INPP4A: variants seen among roughly 807,000 people sequenced by gnomAD.
The protein encoded by INPP4A is inositol polyphosphate-4-phosphatase, type I, 107kD.
In INPP4A, 33 loss-of-function variants were observed where a neutral mutation model predicts 119.8. The ratio of observed to expected loss-of-function variants is 0.28; its 90% CI spans 0.21 to 0.37. The LOEUF is 0.37. Ranked by LOEUF, INPP4A falls within the 10% of genes least tolerant of loss-of-function variation. INPP4A has a pLI of 1.00. For missense variants in INPP4A, 956 were observed against 1,289.9 expected (o/e 0.74, Z 3.97); for synonymous variants, 496 against 500.7 (o/e 0.99, Z 0.12).
At chr2:98,451,616 C>T (rs1695239340) in intron 1 of INPP4A, among the ~76,000 whole-genome samples, 1 of 152,150 alleles carries the variant, frequency 6.6e-6, no homozygotes, top group African/African-American at 2.4e-5. Context: ...CTGCCCCTTT[C>T]CTGCCCCTCC....
intron 4 of INPP4A, among the ~76,000 whole-genome samples, chr2:98,533,089 A>G (rs549739628): frequency 3.3e-5 from 5 of 152,286 alleles, no homozygotes; most frequent in East Asian, 3.9e-4. Flanking sequence ...TTGGACCTAT[A>G]TGAGATTTCT....
chr2:98,453,848 T>C (rs1036985349), intron 1 of INPP4A, among the ~76,000 whole-genome samples: 9 of 152,190 alleles, frequency 5.9e-5, no homozygotes, highest in Admixed American at 2.0e-4. Flanking sequence ...ACAGCCACAC[T>C]GACAGACAGG....
chr2:98,495,543 T>A (rs1308700710), intron 1 of INPP4A, among the ~76,000 whole-genome samples: 1 of 152,230 alleles, frequency 6.6e-6, no homozygotes, highest in Non-Finnish European at 1.5e-5. Flanking sequence ...CAACTTAGTT[T>A]TATATGTTTT....
intron 4 of INPP4A, among the ~76,000 whole-genome samples, chr2:98,528,749 T>C (rs78817274): frequency 0.015 from 2,352 of 152,242 alleles, 69 homozygotes; most frequent in African/African-American, 0.054. Context: ...GGTAGGGTGA[T>C]GTATTCAAAC....
chr2:98,572,344 T>C (rs2106430323), intron 22 of INPP4A, among the ~76,000 whole-genome samples: 1 of 152,364 alleles, frequency 6.6e-6, no homozygotes, highest in African/African-American at 2.4e-5. Flanking sequence ...AGATGTGTTC[T>C]CCTGGCATGG....
intron 4 of INPP4A, among the ~76,000 whole-genome samples, chr2:98,526,752 A>G (rs1437927499): frequency 1.3e-5 from 2 of 152,260 alleles, no homozygotes; most frequent in Non-Finnish European, 2.9e-5. Context: ...AGGCTATACA[A>G]GCATGGCACC....
At chr2:98,475,516 T>C (rs1677028435) in intron 1 of INPP4A, among the ~76,000 whole-genome samples, 1 of 152,174 alleles carries the variant, frequency 6.6e-6, no homozygotes, top group Middle Eastern at 3.2e-3. Context: ...AAACTATGGG[T>C]AACACAGAAG....
At chr2:98,450,101 AT>A (rs558120716) in intron 1 of INPP4A, among the ~76,000 whole-genome samples, 2 of 150,990 alleles carry the variant, frequency 1.3e-5, no homozygotes, top group Non-Finnish European at 3.0e-5. Context: ...TGCTTTTTTA[AT>A]TTTTTTTTAA....
At chr2:98,455,384 G>T (rs1695955428) in intron 1 of INPP4A, among the ~76,000 whole-genome samples, 1 of 151,948 alleles carries the variant, frequency 6.6e-6, no homozygotes, top group African/African-American at 2.4e-5. Context: ...TCCAAATATT[G>T]TCATTCCTAT....
intron 1 of INPP4A, among the ~76,000 whole-genome samples, chr2:98,478,807 T>C (rs965148662): frequency 4.6e-5 from 7 of 152,230 alleles, no homozygotes; most frequent in Admixed American, 3.9e-4. Context: ...TGAGCATGAA[T>C]GCAGCCCGCA....
rs149581774 is a variant in INPP4A, at chr2:98,464,607, C to T, written c.-166+19522C>T. Among the ~76,000 whole-genome samples the T allele has an allele frequency of 2.4e-3, 364 of 152,296 alleles. 1 individual carries two copies. Among genetic ancestry groups the T allele is most frequent in the African/African-American group, 8.3e-3 (347 of 41,576 alleles). On this transcript the variant is annotated intron_variant, in intron 1 of 24. Transcript: ENST00000409851. ...AGTTCTCAGTTCCCATGTCAGAACT[C>T]GGCACCAGCTTCTCTGTTGACAGTT...
rs377011671 is a variant in INPP4A, at chr2:98,470,761, G to A, written c.-166+25676G>A. Among the ~76,000 whole-genome samples, 28 of 152,088 alleles carry A rather than the reference G, an allele frequency of 1.8e-4. No homozygotes were observed. In the South Asian group the frequency reaches 2.1e-3, roughly 11 times the overall value. On this transcript the variant is annotated intron_variant, in intron 1 of 24. Transcript: ENST00000409851. ...CGGCTCACTGCAAGCTCCGCCTCCC[G>A]GGTTTAAGCTGTTCTCCTGCCTCAG...
intron 1 of INPP4A, among the ~76,000 whole-genome samples, chr2:98,469,553 A>T (rs12052639): frequency 0.23 from 35,003 of 151,414 alleles, 4,327 homozygotes; most frequent in Middle Eastern, 0.32. Flanking sequence ...CTGTAATGTC[A>T]GCACTTTGAG....
intron 11 of INPP4A, among the ~76,000 whole-genome samples, chr2:98,545,430 C>T (rs1274107196): frequency 1.3e-5 from 2 of 152,052 alleles, no homozygotes; most frequent in Non-Finnish European, 2.9e-5. Flanking sequence ...GTCAGAAGGC[C>T]GGAATCAATG....
chr2:98,496,286 C>T (rs1011603761), intron 1 of INPP4A, among the ~76,000 whole-genome samples: 6 of 152,132 alleles, frequency 3.9e-5, no homozygotes, highest in Non-Finnish European at 8.8e-5. Context: ...GGCTTATAGT[C>T]TCCAATAAAT....
In INPP4A at chr2:98,459,543, T is replaced by G. The variant is rs978901815; in HGVS notation, c.-166+14458T>G. Among the ~76,000 whole-genome samples, 5 of 152,196 alleles carry G rather than the reference T, an allele frequency of 3.3e-5. No individual in the cohort carries two copies. In the South Asian group the frequency reaches 6.2e-4, roughly 19 times the overall value. ...CTGGAGAAGTTGCTCAAGTGTTAGATTCTACTTTACTGCATGCTACAGGGG... is the reference window on the plus strand; with the variant it reads ...CTGGAGAAGTTGCTCAAGTGTTAGAGTCTACTTTACTGCATGCTACAGGGG... On this transcript the variant is annotated intron_variant, in intron 1 of 24. Transcript: ENST00000409851.
intron 1 of INPP4A, among the ~76,000 whole-genome samples, chr2:98,462,370 C>A (rs1328966978): frequency 6.6e-6 from 1 of 152,140 alleles, no homozygotes; most frequent in Non-Finnish European, 1.5e-5. Context: ...ATCGCTTGAA[C>A]CCGGGAGGCA....
At chr2:98,504,871 T>C (rs940801891) in intron 1 of INPP4A, among the ~76,000 whole-genome samples, 32 of 152,350 alleles carry the variant, frequency 2.1e-4, no homozygotes, top group Non-Finnish European at 4.4e-4. Context: ...TGTGTGGTGT[T>C]AATCTTCAGT....
rs1682568732 is a variant in INPP4A, at chr2:98,498,831, G to GT, written c.-165-20132dup. ...AAAGAGATGACAGAGAAAAGGCCAT[G>GT]TGAGGACACAGCTAGAAGGTGACTG... On this transcript the variant is annotated intron_variant, in intron 1 of 24. Transcript: ENST00000409851. Among the ~76,000 whole-genome samples the GT allele has an allele frequency of 2.0e-5, 3 of 152,252 alleles. No individual in the cohort carries two copies. The South Asian group carries it at 6.2e-4, about 31-fold the overall frequency.
Sources: gnomAD v4.1 joint callset for allele counts (sites outside exome capture counted in the v4.1 genomes callset) on GRCh38, gnomAD v4.1.1 for gene constraint, MANE v1.5 for transcripts, NCBI Gene and HGNC (gene_info 2026-07-23, HGNC 2026-07-21) for gene names.